PRTFDC1: variants seen among roughly 807,000 people sequenced by gnomAD.
The protein encoded by PRTFDC1 is phosphoribosyltransferase domain-containing protein 1.
Under a neutral mutation model 34.6 loss-of-function variants are expected in PRTFDC1, and 38 were observed. The ratio of observed to expected loss-of-function variants is 1.10; its 90% CI spans 0.85 to 1.44. The LOEUF (loss-of-function observed/expected upper bound fraction) is 1.44, where lower values mean the gene tolerates loss of function less well. PRTFDC1 is among the 40% of genes most tolerant of loss of function. The pLI, the probability that PRTFDC1 is intolerant of heterozygous loss-of-function variation, is 0.00. For synonymous variants in PRTFDC1, 93 were observed against 98.1 expected, an observed-to-expected ratio of 0.95 and a Z score of 0.31; for missense variants, 270 against 283.0, an observed-to-expected ratio of 0.95 and a Z score of 0.33.
rs567316562 is a variant in PRTFDC1, at chr10:24,951,886, C to T, written c.48+642G>A. Among the ~76,000 whole-genome samples, 30 of 152,274 alleles carry T rather than the reference C, an allele frequency of 2.0e-4. No homozygotes were observed. The South Asian group carries it at 5.6e-3, about 28-fold the overall frequency. On this transcript the variant is annotated intron_variant, in intron 1 of 8. Transcript: ENST00000320152. ...TCCGGACACACTGCTAGATATTTTA[C>T]ATGCATCCTCCCAATTGGCTCCAGA... is the stretch of plus-strand genomic sequence containing the variant.
intron 3 of PRTFDC1, among the ~76,000 whole-genome samples, chr10:24,880,562 A>G (rs1848049339): frequency 1.3e-5 from 2 of 152,234 alleles, no homozygotes; most frequent in Admixed American, 6.5e-5. Context: ...AGCAGATAAC[A>G]CATACATGTA....
At chr10:24,854,827 A>T (rs370636310) in intron 7 of PRTFDC1, among the ~76,000 whole-genome samples, 4 of 152,264 alleles carry the variant, frequency 2.6e-5, no homozygotes, top group African/African-American at 9.6e-5. Flanking sequence ...GTGCGTTACA[A>T]TTCAGGCTTG....
At chr10:24,888,155 G>A (rs975250832) in intron 3 of PRTFDC1, among the ~76,000 whole-genome samples, 2 of 152,200 alleles carry the variant, frequency 1.3e-5, no homozygotes, top group African/African-American at 2.4e-5. Flanking sequence ...TTACAGGCAT[G>A]AGCCTCTGCA....
At chr10:24,885,492 G>A (rs1003151795) in intron 3 of PRTFDC1, among the ~76,000 whole-genome samples, 8 of 152,148 alleles carry the variant, frequency 5.3e-5, no homozygotes, top group Non-Finnish European at 7.3e-5. Context: ...AGCAACCTCC[G>A]CCTCCCAGGT....
intron 5 of PRTFDC1, among the ~76,000 whole-genome samples, chr10:24,858,037 A>G (rs143053150): frequency 5.9e-5 from 9 of 152,356 alleles, no homozygotes; most frequent in Admixed American, 1.3e-4. Context: ...CACTGAATTC[A>G]GGGTAAACAG....
At chr10:24,875,454 A>G (rs1009063578) in intron 3 of PRTFDC1, among the ~76,000 whole-genome samples, 2 of 152,026 alleles carry the variant, frequency 1.3e-5, no homozygotes, top group African/African-American at 4.8e-5. Context: ...CTCTACTTCT[A>G]TGAGTTCAGC....
intron 3 of PRTFDC1, among the ~76,000 whole-genome samples, chr10:24,922,499 T>C (rs185192396): frequency 6.8e-4 from 104 of 152,344 alleles, no homozygotes; most frequent in African/African-American, 2.4e-3. Context: ...GTTCTCATGA[T>C]AGTGAATAAG....
At chr10:24,950,646 C>G (rs1039639981) in intron 1 of PRTFDC1, among the ~76,000 whole-genome samples, 2 of 152,052 alleles carry the variant, frequency 1.3e-5, no homozygotes, top group African/African-American at 4.8e-5. Flanking sequence ...CCCCGCCCCT[C>G]CTGCTCAACA....
intron 3 of PRTFDC1, among the ~76,000 whole-genome samples, chr10:24,883,386 A>T (rs1848112823): frequency 6.6e-6 from 1 of 152,032 alleles, no homozygotes; most frequent in African/African-American, 2.4e-5. Context: ...GCTTTTCTTT[A>T]TGAGAAATAA....
intron 7 of PRTFDC1, among the ~76,000 whole-genome samples, chr10:24,853,480 T>C (rs1847525404): frequency 6.6e-6 from 1 of 151,838 alleles, no homozygotes; most frequent in Non-Finnish European, 1.5e-5. Flanking sequence ...GGTGTGGTGG[T>C]ACCTGTAGTC....
At chr10:24,900,388 C>T (rs1364177724) in intron 3 of PRTFDC1, among the ~76,000 whole-genome samples, 3 of 152,206 alleles carry the variant, frequency 2.0e-5, no homozygotes, top group South Asian at 2.1e-4. Context: ...GCCAGGAACT[C>T]GGAAGCTCTG....
At chr10:24,916,304 C>A (rs1166177781) in intron 3 of PRTFDC1, among the ~76,000 whole-genome samples, 2 of 152,158 alleles carry the variant, frequency 1.3e-5, no homozygotes, top group African/African-American at 4.8e-5. Flanking sequence ...CCTGCTCAAC[C>A]TTTACCCCTT....
At chr10:24,896,967 C>G (rs994208386) in intron 3 of PRTFDC1, among the ~76,000 whole-genome samples, 3 of 152,118 alleles carry the variant, frequency 2.0e-5, no homozygotes, top group Non-Finnish European at 4.4e-5. Flanking sequence ...CCCAGTTACT[C>G]AGAAGACTGA....
chr10:24,917,012 G>T (rs1848706062), intron 3 of PRTFDC1, among the ~76,000 whole-genome samples: 1 of 152,064 alleles, frequency 6.6e-6, no homozygotes, highest in Non-Finnish European at 1.5e-5. Flanking sequence ...GTGTATTCGA[G>T]GATCCAGGCT....
intron 3 of PRTFDC1, among the ~76,000 whole-genome samples, chr10:24,876,643 G>A (rs1236161403): frequency 1.3e-5 from 2 of 152,014 alleles, no homozygotes; most frequent in South Asian, 4.2e-4. Flanking sequence ...GCAGTGAGCC[G>A]AGGTCATGTC....
At chr10:24,939,806 A>G (rs1245216951) in intron 2 of PRTFDC1, among the ~76,000 whole-genome samples, 1 of 150,980 alleles carries the variant, frequency 6.6e-6, no homozygotes, top group African/African-American at 2.4e-5. Flanking sequence ...AAAAAAAAAA[A>G]AAAAAAAAAG....
chr10:24,851,073 T>C (rs556292482), intron 8 of PRTFDC1, among the ~76,000 whole-genome samples: 24 of 152,324 alleles, frequency 1.6e-4, no homozygotes, highest in African/African-American at 5.8e-4. Flanking sequence ...TATAGAATAT[T>C]GGCTATTGTT....
chr10:24,907,820 TTTTC>T (rs1848560974), intron 3 of PRTFDC1, among the ~76,000 whole-genome samples: 1 of 152,228 alleles, frequency 6.6e-6, no homozygotes, highest in African/African-American at 2.4e-5. Context: ...GGAATAATTG[TTTTC>T]TTTCTTTTAC....
chr10:24,903,170 C>T (rs1022980079), intron 3 of PRTFDC1, among the ~76,000 whole-genome samples: 8 of 152,182 alleles, frequency 5.3e-5, no homozygotes, highest in Admixed American at 2.6e-4. Flanking sequence ...AGATCGTGAG[C>T]GCTCCAGCCT....
Sources: gnomAD v4.1 joint callset for allele counts (sites outside exome capture counted in the v4.1 genomes callset) on GRCh38, gnomAD v4.1.1 for gene constraint, MANE v1.5 for transcripts, NCBI Gene and HGNC (gene_info 2026-07-23, HGNC 2026-07-21) for gene names.